The following EHMT1 variants were observed in gnomAD, a reference collection of about 807,000 sequenced individuals.
The protein encoded by EHMT1 is histone-lysine N-methyltransferase EHMT1.
A neutral mutation model predicts 147.2 loss-of-function variants in EHMT1; 15 were observed. The ratio of observed to expected loss-of-function variants is 0.10; its 90% CI spans 0.07 to 0.16. The LOEUF (loss-of-function observed/expected upper bound fraction) is 0.16, where lower values mean the gene tolerates loss of function less well. Among genes scored for constraint, EHMT1 ranks in the 10% least tolerant of loss-of-function variants. EHMT1 has a pLI of 1.00. For missense variants in EHMT1, 1,587 were observed against 1,772.4 expected (o/e 0.90, Z 1.88); for synonymous variants, 795 against 709.6 (o/e 1.12, Z -1.91).
rs550118337 is a variant in EHMT1, at chr9:137,770,079, C to T, written c.1648-5030C>T. ...GTGGAACTCCTGAGCTCAGGTGATC[C>T]GCCCGCCTCGGCCTCCCAAAGTGCT... On this transcript the variant is annotated intron_variant, in intron 10 of 26. Coordinates refer to ENST00000460843, the MANE Select transcript of EHMT1 (RefSeq NM_024757.5). Among the ~76,000 whole-genome samples, 73 of 152,254 alleles carry T rather than the reference C, an allele frequency of 4.8e-4. 1 individual carries two copies. The South Asian group carries it at 0.011, about 23-fold the overall frequency.
rs1952111321 is a variant in EHMT1 at position 137,787,818 on chromosome 9, AC to A, written c.2383-3024del. The A allele has an allele frequency of 1.5e-5, 14 of 928,140 alleles. No homozygotes were observed. Among genetic ancestry groups the A allele is most frequent in the Middle Eastern group, 2.6e-4 (1 of 3,864 alleles). 57.5% of individuals were successfully genotyped at this position (928,140 alleles called of 1,614,324 possible). A position where few individuals can be genotyped will look rare whatever the true frequency, so the allele number is the denominator to read the frequency against. ...TGGGGGCCCTCAGGTTTCAGGGGCC[AC>A]CCCCCAGTAGGCAGAGCTGGTTGAC... On this transcript the variant is annotated intron_variant, in intron 15 of 26. Transcript: ENST00000460843. The surrounding 1 kb of genome is among the most constrained non-coding windows in gnomAD (Gnocchi z 4.2).
intron 9 of EHMT1, among the ~76,000 whole-genome samples, chr9:137,760,350 C>T (rs1304485935): frequency 1.3e-5 from 2 of 152,192 alleles, no homozygotes; most frequent in Admixed American, 1.3e-4. Flanking sequence ...TGTGGTAGGA[C>T]AGTTATCTCA....
At chr9:137,660,107 G>C (rs942955634) in intron 1 of EHMT1, among the ~76,000 whole-genome samples, 12 of 151,986 alleles carry the variant, frequency 7.9e-5, no homozygotes, top group African/African-American at 2.7e-4. Context: ...GAGGCTGGCA[G>C]GAGAATCGCT....
chr9:137,734,877 G>T lies in EHMT1; in HGVS notation c.823+6348G>T, dbSNP rs116836776. Among the ~76,000 whole-genome samples the T allele has an allele frequency of 5.5e-3, 832 of 152,284 alleles. 8 individuals are homozygous for T. Among genetic ancestry groups the T allele is most frequent in the African/African-American group, 0.018 (734 of 41,552 alleles). On this transcript the variant is annotated intron_variant, in intron 4 of 26. Coordinates refer to ENST00000460843, the MANE Select transcript of EHMT1 (RefSeq NM_024757.5). ...CCTTTAAGAGTGCAGAAGAAATTAA[G>T]ATATTCTCAGATAAACAAAAGCTGA...
chr9:137,761,648 G>A (rs561217066), intron 9 of EHMT1, among the ~76,000 whole-genome samples: 12 of 152,002 alleles, frequency 7.9e-5, no homozygotes, highest in South Asian at 2.1e-4. Context: ...TAGTAGAGAC[G>A]GGGTTTCACC....
chr9:137,825,638 G>A (rs559054493), intron 25 of EHMT1, among the ~76,000 whole-genome samples: 8 of 152,170 alleles, frequency 5.3e-5, no homozygotes, highest in Non-Finnish European at 1.0e-4. Context: ...TTTGAAGGAG[G>A]CATATTTTTC....
At chr9:137,805,457 C>T (rs1296449441) in intron 18 of EHMT1, among the ~76,000 whole-genome samples, 1 of 152,250 alleles carries the variant, frequency 6.6e-6, no homozygotes, top group Non-Finnish European at 1.5e-5. Context: ...TGTGTCAGCT[C>T]CAGGGCCCTC....
At chr9:137,766,947 G>A (rs578125271) in intron 10 of EHMT1, among the ~76,000 whole-genome samples, 1 of 152,094 alleles carries the variant, frequency 6.6e-6, no homozygotes, top group African/African-American at 2.4e-5. Context: ...CCTCCCGAGT[G>A]GCTGGGACTA....
chr9:137,760,821 A>G (rs1236985864), intron 9 of EHMT1, among the ~76,000 whole-genome samples: 2 of 152,200 alleles, frequency 1.3e-5, no homozygotes, highest in Non-Finnish European at 2.9e-5. Flanking sequence ...CATCCTGGCT[A>G]ACACAGTGAA....
chr9:137,745,712 CAA>C (rs1198749992), intron 6 of EHMT1: 2 of 395,666 alleles, frequency 5.1e-6, no homozygotes, highest in East Asian at 7.1e-5. Flanking sequence ...CTCTTTCTGT[CAA>C]GTTACAAGGG....
chr9:137,668,186 T>C (rs1477356853), intron 1 of EHMT1, among the ~76,000 whole-genome samples: 1 of 152,302 alleles, frequency 6.6e-6, no homozygotes, highest in East Asian at 1.9e-4. Context: ...CTGATGGCTT[T>C]GGGCGCCAGC....
At chr9:137,794,685 C>T (rs1416908801) in intron 16 of EHMT1, among the ~76,000 whole-genome samples, 1 of 150,852 alleles carries the variant, frequency 6.6e-6, no homozygotes, top group Non-Finnish European at 1.5e-5. Flanking sequence ...AAAAACAGCA[C>T]ATTACATCTA....
At chr9:137,718,194 C>G (rs543749323) in intron 3 of EHMT1, among the ~76,000 whole-genome samples, 18 of 150,706 alleles carry the variant, frequency 1.2e-4, no homozygotes, top group African/African-American at 4.1e-4. Context: ...CCGCCCCTCA[C>G]GCGCACCGTG....
chr9:137,745,950 G>GT (rs1412393542), intron 6 of EHMT1: 1 of 173,076 alleles, frequency 5.8e-6, no homozygotes, highest in Non-Finnish European at 1.2e-5. Context: ...AGCCACCAGT[G>GT]TTTGTTCCTC....
intron 13 of EHMT1, among the ~76,000 whole-genome samples, chr9:137,779,336 TGTC>T (rs891706387): frequency 2.0e-5 from 3 of 152,262 alleles, no homozygotes; most frequent in Non-Finnish European, 2.9e-5. Context: ...GCGCTGGTTC[TGTC>T]GTCGTGTTGT....
chr9:137,776,481 A>T lies in EHMT1; in HGVS notation c.1792-137A>T. 1.3e-6 allele frequency: 1 copy of T among 786,794 alleles called. No homozygotes were observed. Among genetic ancestry groups the T allele is most frequent in the Non-Finnish European group, 2.1e-6 (1 of 471,716 alleles). 48.7% of individuals were successfully genotyped at this position (786,794 alleles called of 1,614,324 possible). A position where few individuals can be genotyped will look rare whatever the true frequency, so the allele number is the denominator to read the frequency against. On this transcript the variant is annotated intron_variant, in intron 11 of 26. Coordinates refer to ENST00000460843, the MANE Select transcript of EHMT1 (RefSeq NM_024757.5). The surrounding 1 kb of genome is among the most constrained non-coding windows in gnomAD (Gnocchi z 4.4). Reference sequence around the variant, plus strand: ...CTTCTTAACGATGCCTGGGGCCAAGACTGGACCCCACCCCGACCCATGGCT... The same window carrying T: ...CTTCTTAACGATGCCTGGGGCCAAGTCTGGACCCCACCCCGACCCATGGCT...
intron 1 of EHMT1, among the ~76,000 whole-genome samples, chr9:137,707,338 G>T (rs74799342): frequency 0.015 from 2,357 of 152,328 alleles, 49 homozygotes; most frequent in African/African-American, 0.042. Context: ...CCTCCTGGAA[G>T]TCAGGAGAGG....
chr9:137,648,491 CAAA>C (rs397720797), intron 1 of EHMT1, among the ~76,000 whole-genome samples: 6 of 93,780 alleles, frequency 6.4e-5, no homozygotes, highest in Admixed American at 1.1e-4. Context: ...TCCTTCTCTC[CAAA>C]AAAAAAAAAA....
intron 16 of EHMT1, among the ~76,000 whole-genome samples, chr9:137,797,115 G>A (rs922411287): frequency 6.6e-6 from 1 of 152,108 alleles, no homozygotes; most frequent in East Asian, 1.9e-4. Flanking sequence ...ATAACTTCTC[G>A]GAAGGAGGCA....
Sources: allele counts gnomAD v4.1 joint callset (sites outside exome capture counted in the v4.1 genomes callset), GRCh38; gene constraint gnomAD v4.1.1; non-coding constraint Gnocchi (gnomAD v3.1); transcripts MANE v1.5; gene names NCBI Gene and HGNC (gene_info 2026-07-23, HGNC 2026-07-21).